OR8D1: variants seen among roughly 807,000 people sequenced by gnomAD.
OR8D1 encodes the protein olfactory receptor 8D1.
For missense variants in OR8D1, 384 were observed against 366.8 expected (o/e 1.05, Z -0.38); for synonymous variants, 143 against 147.0 (o/e 0.97, Z 0.20).
rs1197016380 is a variant in OR8D1, at chr11:124,303,786, T to C, written c.*6054A>G. The stretch of plus-strand genomic sequence containing the variant: ...AATTACATATAGCAAAATGAACAGG[T>C]ATTAAGTATATAATTCAATGAGTTT... On this transcript the variant is annotated 3_prime_UTR_variant, in exon 3 of 3. Transcript: ENST00000641015. 6.6e-6 allele frequency: 1 copy of C among 151,986 alleles called. No individual in the cohort carries two copies. The highest frequency in any genetic ancestry group is 1.5e-5 in the Non-Finnish European group (1 of 67,950). 9.4% of individuals were successfully genotyped at this position (151,986 alleles called of 1,614,324 possible).
chr11:124,305,651 T>C lies in OR8D1; in HGVS notation c.*4189A>G, dbSNP rs2137788172. The C allele has an allele frequency of 6.6e-6, 1 of 151,976 alleles. No individual in the cohort carries two copies. The highest frequency in any genetic ancestry group is 2.1e-4 in the South Asian group (1 of 4,814). 9.4% of individuals were successfully genotyped at this position (151,976 alleles called of 1,614,324 possible). ...TCATTAGCAATTTAAAGAGCTATAC[T>C]CTTGGTGCATTTTCTGTGTATACAT... On this transcript the variant is annotated 3_prime_UTR_variant, in exon 3 of 3. Coordinates refer to ENST00000641015, the MANE Select transcript of OR8D1 (RefSeq NM_001002917.2).
intron 2 of OR8D1, among the ~76,000 whole-genome samples, chr11:124,311,074 C>T (rs1862417238): frequency 6.6e-6 from 1 of 152,076 alleles, no homozygotes; most frequent in Non-Finnish European, 1.5e-5. Context: ...TTCTGATAGC[C>T]AATTTGTCAC....
Position 124,307,740 on chromosome 11 carries a change from G to A in OR8D1, c.*2100C>T, listed in dbSNP as rs536158475. 3.9e-5 allele frequency: 6 copies of A among 152,162 alleles called. No individual in the cohort carries two copies. The East Asian group carries it at 7.7e-4, about 20-fold the overall frequency. The allele number at this position is 152,162 out of a possible 1,614,324, so 9.4% of individuals were successfully genotyped here. A position where few individuals can be genotyped will look rare whatever the true frequency, so the allele number is the denominator to read the frequency against. On this transcript the variant is annotated 3_prime_UTR_variant, in exon 3 of 3. Coordinates refer to ENST00000641015, the MANE Select transcript of OR8D1 (RefSeq NM_001002917.2). ...ATATAAAGGTATTTTAGACACAGGGGATGGGATAATAATTGGTTATTTTCA... is the reference window on the plus strand; with the variant it reads ...ATATAAAGGTATTTTAGACACAGGGAATGGGATAATAATTGGTTATTTTCA...
In OR8D1 at chr11:124,304,310, G is replaced by A. The variant is rs1304469615; in HGVS notation, c.*5530C>T. On this transcript the variant is annotated 3_prime_UTR_variant, in exon 3 of 3. Transcript: ENST00000641015. ...TACTGTGTGTACTCTTGTGTTTGTG[G>A]TTTCTTGGCCTAGACATATTATTAA... is the stretch of plus-strand genomic sequence containing the variant. The A allele has an allele frequency of 6.6e-6, 1 of 151,810 alleles. No individual in the cohort carries two copies. Among genetic ancestry groups the A allele is most frequent in the African/African-American group, 2.4e-5 (1 of 41,388 alleles). The allele number at this position is 151,810 out of a possible 1,614,324, so 9.4% of individuals were successfully genotyped here. A position where few individuals can be genotyped will look rare whatever the true frequency, so the allele number is the denominator to read the frequency against.
chr11:124,308,799 A>G lies in OR8D1; in HGVS notation c.*1041T>C, dbSNP rs1379301374. 2 of 152,170 alleles carry G rather than the reference A, an allele frequency of 1.3e-5. No homozygotes were observed. The highest frequency in any genetic ancestry group is 2.9e-5 in the Non-Finnish European group (2 of 68,024). 9.4% of individuals were successfully genotyped at this position (152,170 alleles called of 1,614,324 possible). On this transcript the variant is annotated 3_prime_UTR_variant, in exon 3 of 3. Coordinates refer to ENST00000641015, the MANE Select transcript of OR8D1 (RefSeq NM_001002917.2). ...AACTTGATATGGAAGTTAAAATGCT[A>G]GAAATTCAATGGAATATTCCTGGGA...
Position 124,304,108 on chromosome 11 carries a change from G to T in OR8D1, c.*5732C>A, listed in dbSNP as rs1342021818. ...TGAACTCTAAACTATTTGTTATCTG[G>T]TTTTTTAGAGAAAACATGTCAGTCT... On this transcript the variant is annotated 3_prime_UTR_variant, in exon 3 of 3. Transcript: ENST00000641015. 2.0e-5 allele frequency: 3 copies of T among 151,856 alleles called. No homozygotes were observed. Among genetic ancestry groups the T allele is most frequent in the African/African-American group, 7.2e-5 (3 of 41,402 alleles). 9.4% of individuals were successfully genotyped at this position (151,856 alleles called of 1,614,324 possible). A position where few individuals can be genotyped will look rare whatever the true frequency, so the allele number is the denominator to read the frequency against.
chr11:124,313,035 G>A (rs776022537), intron 1 of OR8D1, among the ~76,000 whole-genome samples: 11 of 151,550 alleles, frequency 7.3e-5, no homozygotes, highest in African/African-American at 1.9e-4. Context: ...TTATCTGGAC[G>A]TGGTGGTAAG....
chr11:124,312,051 T>C (rs1465838989), intron 1 of OR8D1, among the ~76,000 whole-genome samples: 1 of 152,236 alleles, frequency 6.6e-6, no homozygotes, highest in African/African-American at 2.4e-5. Flanking sequence ...TAAACTTCAT[T>C]GTTCTAATCT....
rs900903044 is a variant in OR8D1, at chr11:124,308,663, A to G, written c.*1177T>C. The G allele has an allele frequency of 6.6e-6, 1 of 152,094 alleles. No individual in the cohort carries two copies. Among genetic ancestry groups the G allele is most frequent in the African/African-American group, 2.4e-5 (1 of 41,410 alleles). The allele number at this position is 152,094 out of a possible 1,614,324, so 9.4% of individuals were successfully genotyped here. A position where few individuals can be genotyped will look rare whatever the true frequency, so the allele number is the denominator to read the frequency against. On this transcript the variant is annotated 3_prime_UTR_variant, in exon 3 of 3. Transcript: ENST00000641015. ...GATTCTTTAAGCTAAAATCTAGAGTATTAGGTTGTAAAAATTATTTTGGCA... is the reference window on the plus strand; with the variant it reads ...GATTCTTTAAGCTAAAATCTAGAGTGTTAGGTTGTAAAAATTATTTTGGCA...
chr11:124,310,068 G>A lies in OR8D1; in HGVS notation c.699C>T (p.Gly233=). Residue 233 remains glycine, a synonymous_variant, in exon 3 of 3, where the codon GGC becomes GGT. Coordinates refer to ENST00000641015, the MANE Select transcript of OR8D1 (RefSeq NM_001002917.2). ...YSILHIRSSE[G]RSKAFGTCSS... ...TGCATGTTCCAAAAGCTTTGGACCG[G>A]CCCTCTGAGGAGCGGATGTGAAGGA... 1.9e-6 allele frequency: 3 copies of A among 1,613,550 alleles called. No individual in the cohort carries two copies. Among genetic ancestry groups the A allele is most frequent in the Non-Finnish European group, 2.5e-6 (3 of 1,179,736 alleles).
rs952866596 is a variant in OR8D1, at chr11:124,308,186, G to A, written c.*1654C>T. On this transcript the variant is annotated 3_prime_UTR_variant, in exon 3 of 3. Coordinates refer to ENST00000641015, the MANE Select transcript of OR8D1 (RefSeq NM_001002917.2). Reference sequence around the variant, plus strand: ...GAGCAGAAGAAAAATGAGACTAAAAGTAAAATAAGTTAATTAAACTGGAAT... The same window carrying A: ...GAGCAGAAGAAAAATGAGACTAAAAATAAAATAAGTTAATTAAACTGGAAT... 6 of 152,020 alleles carry A rather than the reference G, an allele frequency of 3.9e-5. No individual in the cohort carries two copies. Among genetic ancestry groups the A allele is most frequent in the African/African-American group, 1.4e-4 (6 of 41,410 alleles). The allele number at this position is 152,020 out of a possible 1,614,324, so 9.4% of individuals were successfully genotyped here. A position where few individuals can be genotyped will look rare whatever the true frequency, so the allele number is the denominator to read the frequency against.
At chr11:124,310,900 G>A in intron 2 of OR8D1, 118 bp from the exon 3 acceptor site, 1 of 646,174 alleles carries the variant, frequency 1.5e-6, no homozygotes, top group East Asian at 2.7e-5. Flanking sequence ...AGTTTTCATT[G>A]TCTCTAAACT....
rs1464683229 is a variant in OR8D1 at position 124,309,232 on chromosome 11, A to G, written c.*608T>C. On this transcript the variant is annotated 3_prime_UTR_variant, in exon 3 of 3. Coordinates refer to ENST00000641015, the MANE Select transcript of OR8D1 (RefSeq NM_001002917.2). ...AAACAAAACCAGATCCATGAAGAAC[A>G]ACAAGGAAATGAAAATAAAGAGATT... 1 of 74,220 alleles carries G rather than the reference A, an allele frequency of 1.3e-5. No individual in the cohort carries two copies. The highest frequency in any genetic ancestry group is 3.2e-5 in the African/African-American group (1 of 31,238). 4.6% of individuals were successfully genotyped at this position (74,220 alleles called of 1,614,324 possible).
rs1862366531 is a variant in OR8D1, at chr11:124,306,052, T to C, written c.*3788A>G. The stretch of plus-strand genomic sequence containing the variant: ...CTCAAACCTATAACTTTGAAGAACA[T>C]TTAACTCAATTCATTATTTTGTTAC... On this transcript the variant is annotated 3_prime_UTR_variant, in exon 3 of 3. Coordinates refer to ENST00000641015, the MANE Select transcript of OR8D1 (RefSeq NM_001002917.2). 1 of 151,954 alleles carries C rather than the reference T, an allele frequency of 6.6e-6. No individual in the cohort carries two copies. The allele number at this position is 151,954 out of a possible 1,614,324, so 9.4% of individuals were successfully genotyped here.
rs1862360790 is a variant in OR8D1, at chr11:124,305,435, A to C, written c.*4405T>G. On this transcript the variant is annotated 3_prime_UTR_variant, in exon 3 of 3. Coordinates refer to ENST00000641015, the MANE Select transcript of OR8D1 (RefSeq NM_001002917.2). ...GAAAGGGTGGAAAAAGGTTGAGGGAAGGATTATAATGGAGTATGAGAAAAG... is the reference window on the plus strand; with the variant it reads ...GAAAGGGTGGAAAAAGGTTGAGGGACGGATTATAATGGAGTATGAGAAAAG... The C allele has an allele frequency of 6.6e-6, 1 of 151,756 alleles. No homozygotes were observed. The highest frequency in any genetic ancestry group is 2.1e-4 in the South Asian group (1 of 4,818). The allele number at this position is 151,756 out of a possible 1,614,324, so 9.4% of individuals were successfully genotyped here.
rs1290654893 is a variant in OR8D1, at chr11:124,303,549, G to T, written c.*6291C>A. 1.3e-5 allele frequency: 2 copies of T among 151,904 alleles called. No individual in the cohort carries two copies. Among genetic ancestry groups the T allele is most frequent in the Admixed American group, 6.6e-5 (1 of 15,222 alleles). 9.4% of individuals were successfully genotyped at this position (151,904 alleles called of 1,614,324 possible). A position where few individuals can be genotyped will look rare whatever the true frequency, so the allele number is the denominator to read the frequency against. Reference sequence around the variant, plus strand: ...CTTTTTGTCCTTTGCTTATTAATTTGTGGGGCTTTTAAAATTATAGATATC... The same window carrying T: ...CTTTTTGTCCTTTGCTTATTAATTTTTGGGGCTTTTAAAATTATAGATATC... On this transcript the variant is annotated 3_prime_UTR_variant, in exon 3 of 3. Transcript: ENST00000641015.
In OR8D1 at chr11:124,305,416, G is replaced by C. The variant is rs1862360621; in HGVS notation, c.*4424C>G. The C allele has an allele frequency of 6.6e-6, 1 of 151,698 alleles. No homozygotes were observed. The highest frequency in any genetic ancestry group is 6.6e-5 in the Admixed American group (1 of 15,186). The allele number at this position is 151,698 out of a possible 1,614,324, so 9.4% of individuals were successfully genotyped here. On this transcript the variant is annotated 3_prime_UTR_variant, in exon 3 of 3. Coordinates refer to ENST00000641015, the MANE Select transcript of OR8D1 (RefSeq NM_001002917.2). ...TGGATTCATGATTGCCTAGGAAAGG[G>C]TGGAAAAAGGTTGAGGGAAGGATTA...
At chr11:124,312,518 CTT>C (rs201492454) in intron 1 of OR8D1, among the ~76,000 whole-genome samples, 41 of 132,706 alleles carry the variant, frequency 3.1e-4, no homozygotes, top group Admixed American at 4.5e-4. Flanking sequence ...TTCTTTCTTT[CTT>C]TTTTTTTTTT....
rs556281789 is a variant in OR8D1 at position 124,309,217 on chromosome 11, A to G, written c.*623T>C. On this transcript the variant is annotated 3_prime_UTR_variant, in exon 3 of 3. Transcript: ENST00000641015. ...ATACAAATACAAAAAAAACAAAACC[A>G]GATCCATGAAGAACAACAAGGAAAT... 3.0e-5 allele frequency: 4 copies of G among 134,732 alleles called. No homozygotes were observed. The South Asian group carries it at 6.6e-4, about 22-fold the overall frequency. The allele number at this position is 134,732 out of a possible 1,614,324, so 8.3% of individuals were successfully genotyped here. A position where few individuals can be genotyped will look rare whatever the true frequency, so the allele number is the denominator to read the frequency against.
Sources: allele counts gnomAD v4.1 joint callset (sites outside exome capture counted in the v4.1 genomes callset), GRCh38; gene constraint gnomAD v4.1.1; transcripts MANE v1.5; gene names NCBI Gene and HGNC (gene_info 2026-07-23, HGNC 2026-07-21).